Variants in BRCA2 observed in about 807,000 individuals in gnomAD.
BRCA2 encodes BRCA2 DNA repair associated, also known as breast cancer type 2 susceptibility protein.
In BRCA2, 203 loss-of-function variants were observed where a neutral mutation model predicts 276.7. The ratio of observed to expected loss-of-function variants is 0.73; its 90% CI spans 0.65 to 0.82. The LOEUF is 0.82. BRCA2 is among the 40% of genes least tolerant of loss of function. BRCA2 has a pLI of 0.00. For missense variants in BRCA2, 3,920 were observed against 3,915.0 expected, an observed-to-expected ratio of 1.00 and a Z score of -0.03; for synonymous variants, 1,289 against 1,338.4, an observed-to-expected ratio of 0.96 and a Z score of 0.81.
At chr13:32,343,561 C>T (rs11571669) in intron 11 of BRCA2, among the ~76,000 whole-genome samples, 2 of 152,132 alleles carry the variant, frequency 1.3e-5, no homozygotes, top group South Asian at 4.1e-4. Flanking sequence ...GTTTATAGTA[C>T]TTAAACTATT....
In BRCA2 at chr13:32,330,950, A is replaced by AAAG. The variant is rs80359640; in HGVS notation, c.714_716dup (p.Glu238_Ser239insArg). On this transcript the variant is annotated inframe_insertion, in exon 9 of 27. Coordinates refer to ENST00000380152, the MANE Select transcript of BRCA2 (RefSeq NM_000059.4). ...AAAAGCTATTTTTCCAATCATGATG[A>AAAG]AAGTCTGAAGAAAAATGATAGATTT... 3.3e-5 allele frequency: 53 copies of AAAG among 1,613,062 alleles called. No homozygotes were observed. Among genetic ancestry groups the AAAG allele is most frequent in the Non-Finnish European group, 4.4e-5 (52 of 1,179,354 alleles).
intron 24 of BRCA2, among the ~76,000 whole-genome samples, chr13:32,391,462 G>A (rs11571808): frequency 3.3e-5 from 5 of 152,294 alleles, no homozygotes; most frequent in African/African-American, 7.2e-5. Context: ...AATGCCTTTC[G>A]ACAGAGGGCA....
At position 32,372,708 on chromosome 13, in the gene BRCA2, G is replaced by A. The variant is rs188888812; in HGVS notation, c.8632+1608G>A. 6.6e-5 allele frequency among the ~76,000 whole-genome samples: 10 copies of A among 152,206 alleles called. No individual in the cohort carries two copies. The East Asian group carries it at 1.5e-3, about 24-fold the overall frequency. ...TCTGCCCTGGACCCTCCCAAATCTC[G>A]TGTCCTTTTCACATTTCAAAACCAA... On this transcript the variant is annotated intron_variant, in intron 20 of 26. Transcript: ENST00000380152.
chr13:32,350,752 C>CA lies in BRCA2; in HGVS notation c.7007+3866dup, dbSNP rs544935490. Among the ~76,000 whole-genome samples the CA allele has an allele frequency of 6.7e-4, 94 of 140,802 alleles. 2 individuals are homozygous for CA. The South Asian group carries it at 8.1e-3, about 12-fold the overall frequency. The allele number at this position is 140,802 out of a possible 152,430, so 92.4% of individuals were successfully genotyped here. ...TGGGCGAGAGAGCGAGACTCCGTCT[C>CA]AAAAAAAAAACAACAAAATAAAAAA... On this transcript the variant is annotated intron_variant, in intron 13 of 26. Coordinates refer to ENST00000380152, the MANE Select transcript of BRCA2 (RefSeq NM_000059.4).
chr13:32,329,595 T>C (rs937918097), intron 8 of BRCA2, 103 bp downstream of exon 8: 124 of 950,456 alleles, frequency 1.3e-4, no homozygotes, highest in Non-Finnish European at 2.0e-4. Context: ...ATCTGTAATT[T>C]ATCTAAGCCT....
chr13:32,316,361 C>A, intron 1 of BRCA2, 61 bp from the exon 2 acceptor site: 1 of 1,061,586 alleles, frequency 9.4e-7, no homozygotes, highest in Non-Finnish European at 1.4e-6. Context: ...TGAGTTTTAC[C>A]TCAGTCACAT....
At position 32,367,440 on chromosome 13, in the gene BRCA2, GA is replaced by G. The variant is rs372239729; in HGVS notation, c.8332-2952del. ...TGACAGAGCGAGACTCCATCTCAAA[GA>G]AAAAAAAAAGGATAATAACAGCAAA... On this transcript the variant is annotated intron_variant, in intron 18 of 26. Transcript: ENST00000380152. Among the ~76,000 whole-genome samples the G allele has an allele frequency of 0.043, 6,134 of 141,072 alleles. 209 individuals are homozygous for G. Among genetic ancestry groups the G allele is most frequent in the South Asian group, 0.12 (548 of 4,456 alleles). The allele number at this position is 141,072 out of a possible 152,430, so 92.5% of individuals were successfully genotyped here. A position where few individuals can be genotyped will look rare whatever the true frequency, so the allele number is the denominator to read the frequency against.
chr13:32,359,399 G>GA (rs1037887296), intron 16 of BRCA2, among the ~76,000 whole-genome samples: 1 of 151,906 alleles, frequency 6.6e-6, no homozygotes, highest in Admixed American at 6.6e-5. Context: ...CAAATAACTA[G>GA]AAAATCTCAG....
chr13:32,343,491 TAATC>T (rs978511284), intron 11 of BRCA2, among the ~76,000 whole-genome samples: 36 of 152,314 alleles, frequency 2.4e-4, no homozygotes, highest in African/African-American at 8.7e-4. Flanking sequence ...CAGATTTACT[TAATC>T]AAGTGTTGTC....
chr13:32,377,224 G>A (rs1236492639), intron 21 of BRCA2, among the ~76,000 whole-genome samples: 1 of 152,120 alleles, frequency 6.6e-6, no homozygotes, highest in Non-Finnish European at 1.5e-5. Context: ...AAATGTTTCC[G>A]AAGCACTAAA....
chr13:32,375,355 C>G (rs1356610949), intron 20 of BRCA2: 1 of 451,702 alleles, frequency 2.2e-6, no homozygotes, highest in Non-Finnish European at 4.4e-6. Context: ...ACTTCCTCCA[C>G]TGAAGTCTTG....
intron 2 of BRCA2, among the ~76,000 whole-genome samples, chr13:32,316,926 G>T (rs1261036337): frequency 3.9e-5 from 6 of 152,198 alleles, no homozygotes; most frequent in Admixed American, 3.3e-4. Flanking sequence ...GGCTGGGCGT[G>T]GTGGCTCACG....
Position 32,339,273 on chromosome 13 carries a change from C to A in BRCA2, c.4918C>A (p.His1640Asn). 1 of 1,609,664 alleles carries A rather than the reference C, an allele frequency of 6.2e-7. No homozygotes were observed. Residue 1640 changes from histidine (H) to asparagine (N), a missense_variant, in exon 11 of 27, where the codon CAT (histidine) becomes AAT (asparagine). Physicochemically the swap from His to Asn is moderately conservative, Grantham distance 68. This residue lies in a region of BRCA2 where 3,263 missense variants were observed against 3,156.9 expected (regional missense o/e 1.03). Coordinates refer to ENST00000380152, the MANE Select transcript of BRCA2 (RefSeq NM_000059.4). ...AAGTATCTTTTTGAAAGTTAAAGTA[C>A]ATGAAAATGTAGAAAAAGAAACAGC... is the stretch of plus-strand genomic sequence containing the variant. ...SKSIFLKVKV[H>N]ENVEKETAKS...
intron 11 of BRCA2, among the ~76,000 whole-genome samples, chr13:32,343,467 C>T (rs1392439132): frequency 1.3e-5 from 2 of 152,154 alleles, no homozygotes; most frequent in African/African-American, 2.4e-5. Flanking sequence ...GCCCCTAAGT[C>T]ATTCTGGTGG....
chr13:32,351,822 T>G (rs934668321), intron 13 of BRCA2, among the ~76,000 whole-genome samples: 7 of 152,084 alleles, frequency 4.6e-5, no homozygotes, highest in Non-Finnish European at 8.8e-5. Flanking sequence ...TTTATTTTGA[T>G]ACAGAGTCTC....
chr13:32,376,999 C>T (rs2072878442), intron 21 of BRCA2, among the ~76,000 whole-genome samples: 1 of 152,038 alleles, frequency 6.6e-6, no homozygotes. Context: ...TGGGAGGGTT[C>T]TAGAATTTTA....
chr13:32,360,320 C>G (rs74047014), intron 16 of BRCA2, among the ~76,000 whole-genome samples: 1 of 152,050 alleles, frequency 6.6e-6, no homozygotes, highest in Non-Finnish European at 1.5e-5. Flanking sequence ...TTACTCTGCA[C>G]GATTTTTACT....
At position 32,333,630 on chromosome 13, in the gene BRCA2, C is replaced by T. The variant is rs11571643; in HGVS notation, c.1909+243C>T. Among the ~76,000 whole-genome samples the T allele has an allele frequency of 0.041, 6,235 of 152,052 alleles. 220 individuals carry two copies. The highest frequency in any genetic ancestry group is 0.11 in the South Asian group (551 of 4,810). ...CTTGAGACAGTTTTATTTTAAGTTC[C>T]GGGGTACATGTGCAGGATGTGCAGG... On this transcript the variant is annotated intron_variant, in intron 10 of 26. Transcript: ENST00000380152.
intron 18 of BRCA2, 149 bp downstream of exon 18, chr13:32,363,682 G>T: frequency 1.2e-6 from 1 of 832,934 alleles, no homozygotes; most frequent in Non-Finnish European, 1.8e-6. Flanking sequence ...TCTTCAGACA[G>T]TTAAAGTTTT....
Sources: allele counts gnomAD v4.1 joint callset (sites outside exome capture counted in the v4.1 genomes callset), GRCh38; gene constraint gnomAD v4.1.1; regional missense constraint gnomAD v4.1.1; transcripts MANE v1.5; gene names NCBI Gene and HGNC (gene_info 2026-07-23, HGNC 2026-07-21).